SCTR: variants seen among roughly 807,000 people sequenced by gnomAD.
SCTR encodes the protein pancreatic secretin receptor.
SCTR carries 56 observed loss-of-function variants against 60.8 expected under a neutral mutation model. That is an observed-to-expected ratio of 0.92 (90% CI 0.74 to 1.15). SCTR has a LOEUF of 1.15. Among genes scored for constraint, SCTR ranks in the 50% most tolerant of loss-of-function variants. The pLI is 0.00. For synonymous variants in SCTR, 202 were observed against 217.0 expected, an observed-to-expected ratio of 0.93 and a Z score of 0.61; for missense variants, 562 against 550.4, an observed-to-expected ratio of 1.02 and a Z score of -0.21.
Position 119,446,874 on chromosome 2 carries a change from C to G in SCTR, c.1025G>C (p.Arg342Thr). 6.5e-7 allele frequency: 1 copy of G among 1,548,064 alleles called. No homozygotes were observed. The highest frequency in any genetic ancestry group is 1.2e-5 in the South Asian group (1 of 80,712). The change falls in exon 11 of 13, where the codon AGG (arginine) becomes ACG (threonine). Residue 342 changes from arginine (R) to threonine (T), a missense_variant. Physicochemically the swap from Arg to Thr is moderately conservative, Grantham distance 71 (BLOSUM62 -1). Transcript: ENST00000019103. ...GAGGGGGATCAGCAGGAGAGTGGACCTGGCCAGGCGCCTGGGGACACAGAA... is the reference window on the plus strand; with the variant it reads ...GAGGGGGATCAGCAGGAGAGTGGACGTGGCCAGGCGCCTGGGGACACAGAA... Reference protein sequence around the residue: ...NEVSHYKRLARSTLLLIPLFG... With the variant: ...NEVSHYKRLATSTLLLIPLFG...
chr2:119,480,135 T>A (rs1558862744), intron 2 of SCTR, among the ~76,000 whole-genome samples: 1 of 152,246 alleles, frequency 6.6e-6, no homozygotes, highest in Non-Finnish European at 1.5e-5. Flanking sequence ...CAGCTTTGCA[T>A]CTATTTGTAA....
rs142279230 is a variant in SCTR, at chr2:119,474,836, G to A, written c.302-1280C>T. Among the ~76,000 whole-genome samples, 547 of 152,350 alleles carry A rather than the reference G, an allele frequency of 3.6e-3. 4 individuals carry two copies. The highest frequency in any genetic ancestry group is 0.012 in the African/African-American group (503 of 41,586). On this transcript the variant is annotated intron_variant, in intron 3 of 12. Transcript: ENST00000019103. ...CTCTTCCTGAAGTCTCAGGGGCAGC[G>A]TCTAGGACCAGGAGACCGTGTCCTC...
Position 119,446,140 on chromosome 2 carries a change from C to T in SCTR, c.1140+619G>A, listed in dbSNP as rs191482652. On this transcript the variant is annotated intron_variant, in intron 11 of 12. Transcript: ENST00000019103. ...TCCACCTCACTTTATTTTTTAAAGT[C>T]AGTTTTTAGTTTTAATAATTTGCAT... 2.9e-3 allele frequency among the ~76,000 whole-genome samples: 446 copies of T among 152,252 alleles called. 13 individuals carry two copies. The highest frequency in any genetic ancestry group is 0.027 in the Admixed American group (410 of 15,288).
chr2:119,482,104 C>T (rs1382356836), intron 2 of SCTR, among the ~76,000 whole-genome samples: 6 of 152,250 alleles, frequency 3.9e-5, no homozygotes, highest in Non-Finnish European at 5.9e-5. Context: ...ACCCAGCCCT[C>T]CACCCACCTG....
At chr2:119,482,834 T>C (rs1302269600) in intron 2 of SCTR, among the ~76,000 whole-genome samples, 1 of 152,070 alleles carries the variant, frequency 6.6e-6, no homozygotes, top group Non-Finnish European at 1.5e-5. Flanking sequence ...GCCTGGCACC[T>C]GGAGTCTCAG....
At chr2:119,496,757 C>T (rs539590364) in intron 1 of SCTR, among the ~76,000 whole-genome samples, 1 of 152,214 alleles carries the variant, frequency 6.6e-6, no homozygotes, top group African/African-American at 2.4e-5. Context: ...GGGCATCTAG[C>T]GAAACAGAAA....
chr2:119,520,708 A>T (rs983770125), intron 1 of SCTR, among the ~76,000 whole-genome samples: 1 of 152,120 alleles, frequency 6.6e-6, no homozygotes, highest in Non-Finnish European at 1.5e-5. Context: ...ATGGGAAGGG[A>T]GGGTGGAATA....
chr2:119,514,708 T>C (rs916490210), intron 1 of SCTR, among the ~76,000 whole-genome samples: 4 of 152,038 alleles, frequency 2.6e-5, no homozygotes, highest in Admixed American at 6.6e-5. Context: ...AAACCCCGTC[T>C]CTACTAAAAA....
chr2:119,444,325 G>GTATGAATATATATACACATATATACA (rs1682795420), intron 11 of SCTR, among the ~76,000 whole-genome samples: 1 of 136,548 alleles, frequency 7.3e-6, no homozygotes, highest in African/African-American at 2.8e-5. Flanking sequence ...ACATATATAC[G>GTATGAATATATATACACATATATACA]TATGAATATA....
intron 9 of SCTR, among the ~76,000 whole-genome samples, chr2:119,450,078 A>AAAAT (rs140544177): frequency 0.024 from 3,475 of 145,112 alleles, 44 homozygotes; most frequent in Admixed American, 0.03. Context: ...GAAAGAAAGA[A>AAAAT]AAATAAATAA....
chr2:119,493,048 G>A (rs1327179903), intron 2 of SCTR, among the ~76,000 whole-genome samples: 1 of 151,900 alleles, frequency 6.6e-6, no homozygotes, highest in Non-Finnish European at 1.5e-5. Flanking sequence ...ATAGAGATGG[G>A]GTTTCACCAT....
At chr2:119,474,620 G>A (rs542250815) in intron 3 of SCTR, among the ~76,000 whole-genome samples, 10 of 152,320 alleles carry the variant, frequency 6.6e-5, no homozygotes, top group East Asian at 1.9e-4. Flanking sequence ...CCAGCTGAGC[G>A]TGGCATGCTT....
chr2:119,509,753 T>C (rs1678872444), intron 1 of SCTR, among the ~76,000 whole-genome samples: 1 of 152,120 alleles, frequency 6.6e-6, no homozygotes, highest in Admixed American at 6.5e-5. Flanking sequence ...ATCCCCAGTA[T>C]CCATTTCCAT....
chr2:119,518,523 G>A (rs1379685556), intron 1 of SCTR, among the ~76,000 whole-genome samples: 1 of 152,166 alleles, frequency 6.6e-6, no homozygotes, highest in African/African-American at 2.4e-5. Flanking sequence ...GATGAACCAG[G>A]GATGACCCTC....
chr2:119,521,660 C>T (rs1679290080), intron 1 of SCTR, among the ~76,000 whole-genome samples: 1 of 151,928 alleles, frequency 6.6e-6, no homozygotes. Flanking sequence ...AGAGGGAGAG[C>T]GGTAATAAGC....
At chr2:119,480,098 T>C (rs1416243431) in intron 2 of SCTR, among the ~76,000 whole-genome samples, 4 of 152,236 alleles carry the variant, frequency 2.6e-5, no homozygotes, top group Non-Finnish European at 5.9e-5. Flanking sequence ...ATACAATTAA[T>C]TTCACTTCCC....
intron 6 of SCTR, 32 bp from the exon 7 acceptor site, chr2:119,462,032 G>A (rs777534980): frequency 2.4e-5 from 37 of 1,573,732 alleles, no homozygotes; most frequent in Admixed American, 7.1e-5. Flanking sequence ...AACCCAGGCC[G>A]GGTGGCAGTG....
chr2:119,514,101 C>T lies in SCTR; in HGVS notation c.72+10054G>A, dbSNP rs190339661. ...CTGTGGTGTATAAGTTCACCTCTTG[C>T]TTGACAATTCTATGATGAACTTCCA... On this transcript the variant is annotated intron_variant, in intron 1 of 12. Transcript: ENST00000019103. 2.1e-4 allele frequency among the ~76,000 whole-genome samples: 32 copies of T among 152,266 alleles called. No homozygotes were observed. The East Asian group carries it at 5.8e-3, about 28-fold the overall frequency.
chr2:119,482,784 C>G (rs550409111), intron 2 of SCTR, among the ~76,000 whole-genome samples: 3 of 152,222 alleles, frequency 2.0e-5, no homozygotes, highest in Admixed American at 2.0e-4. Flanking sequence ...TCCTGAGGAC[C>G]CTTTACGGAC....
Sources: allele counts gnomAD v4.1 joint callset (sites outside exome capture counted in the v4.1 genomes callset), GRCh38; gene constraint gnomAD v4.1.1; transcripts MANE v1.5; gene names NCBI Gene and HGNC (gene_info 2026-07-23, HGNC 2026-07-21).